Variants in GRM4 observed in about 807,000 individuals in gnomAD.
GRM4 encodes glutamate metabotropic receptor 4.
Under a neutral mutation model 81.7 loss-of-function variants are expected in GRM4, and 28 were observed. The ratio of observed to expected loss-of-function variants is 0.34; its 90% CI spans 0.25 to 0.47. The LOEUF (loss-of-function observed/expected upper bound fraction) is 0.47. GRM4 is among the 20% of genes least tolerant of loss of function. The pLI, the probability that GRM4 is intolerant of heterozygous loss-of-function variation, is 1.00. For missense variants in GRM4, 948 were observed against 1,290.0 expected, an observed-to-expected ratio of 0.73 and a Z score of 4.06; for synonymous variants, 488 against 528.8, an observed-to-expected ratio of 0.92 and a Z score of 1.06.
rs142384535 is a variant in GRM4 at position 34,057,658 on chromosome 6, G to A, written c.1028-974C>T. Among the ~76,000 whole-genome samples, 669 of 152,316 alleles carry A rather than the reference G, an allele frequency of 4.4e-3. 4 individuals are homozygous for A. The highest frequency in any genetic ancestry group is 6.0e-3 in the Admixed American group (92 of 15,308). On this transcript the variant is annotated intron_variant, in intron 5 of 10. Transcript: ENST00000538487. ...AAATATCCCCTTGGGGGGCAAAATC[G>A]CCCCCAGATAAGGACCATTGTTCTA...
chr6:34,124,584 C>A (rs1236244691), intron 2 of GRM4, among the ~76,000 whole-genome samples: 3 of 152,202 alleles, frequency 2.0e-5, no homozygotes, highest in Admixed American at 2.0e-4. Flanking sequence ...ATGCACCTGT[C>A]ATCACTCGGG....
chr6:34,079,291 C>T (rs1767468009), intron 3 of GRM4, among the ~76,000 whole-genome samples: 1 of 152,148 alleles, frequency 6.6e-6, no homozygotes, highest in South Asian at 2.1e-4. Flanking sequence ...CCTCCCACCA[C>T]CCTGAGATAG....
chr6:34,143,874 A>G (rs1316453623), intron 1 of GRM4, among the ~76,000 whole-genome samples: 1 of 152,210 alleles, frequency 6.6e-6, no homozygotes, highest in Non-Finnish European at 1.5e-5. Context: ...AGAACGGACA[A>G]GGCGAGGGAC....
intron 3 of GRM4, among the ~76,000 whole-genome samples, chr6:34,079,150 A>G (rs908193701): frequency 2.0e-5 from 3 of 152,220 alleles, no homozygotes; most frequent in Non-Finnish European, 4.4e-5. Context: ...ATCCATGGAC[A>G]CAAGGCAAGT....
At chr6:34,125,087 C>T (rs1258791195) in intron 2 of GRM4, among the ~76,000 whole-genome samples, 2 of 152,310 alleles carry the variant, frequency 1.3e-5, no homozygotes, top group African/African-American at 2.4e-5. Flanking sequence ...CATTCTCCTG[C>T]CTCAGCCTCC....
At position 34,036,166 on chromosome 6, in the gene GRM4, G is replaced by A; in HGVS notation, c.1944C>T (p.Asp648=). The change falls in exon 9 of 11, where the codon GAC becomes GAT. Residue 648 remains aspartate (D), a synonymous_variant. Transcript: ENST00000538487. This position sits in a 1 kb window ranked among gnomAD's most constrained non-coding sequence, Gnocchi z 9.0. ...TTCGGCGCAGCGAGCAGGTGCCAAG[G>A]TCGGGCTCAGCGATCATGAGGAAGG... ...ATTFLMIAEP[D]LGTCSLRRIF... 1.2e-6 allele frequency: 2 copies of A among 1,614,216 alleles called. No homozygotes were observed. Among genetic ancestry groups the A allele is most frequent in the Non-Finnish European group, 8.5e-7 (1 of 1,180,022 alleles).
rs1408194337 is a variant in GRM4, at chr6:34,064,802, G to A, written c.737-2774C>T. ...CCACTGAGCACCCCCTGCATGCCTG[G>A]CACCATGCGAGGCCCAGTCTCAATG... On this transcript the variant is annotated intron_variant, in intron 3 of 10. Coordinates refer to ENST00000538487, the MANE Select transcript of GRM4 (RefSeq NM_000841.4). The surrounding 1 kb of genome is among the most constrained non-coding windows in gnomAD (Gnocchi z 4.4). Among the ~76,000 whole-genome samples the A allele has an allele frequency of 1.3e-5, 2 of 152,132 alleles. No homozygotes were observed. Among genetic ancestry groups the A allele is most frequent in the Non-Finnish European group, 2.9e-5 (2 of 68,008 alleles).
chr6:34,066,976 C>T (rs1170753459), intron 3 of GRM4, among the ~76,000 whole-genome samples: 2 of 152,128 alleles, frequency 1.3e-5, no homozygotes, highest in Non-Finnish European at 2.9e-5. Context: ...GGGAAGCTGC[C>T]TGCCTTCCTC....
rs79349278 is a variant in GRM4 at position 34,074,271 on chromosome 6, C to A, written c.737-12243G>T. 2.0e-5 allele frequency among the ~76,000 whole-genome samples: 3 copies of A among 152,200 alleles called. No homozygotes were observed. The East Asian group carries it at 5.8e-4, about 29-fold the overall frequency. On this transcript the variant is annotated intron_variant, in intron 3 of 10. Transcript: ENST00000538487. This position sits in a 1 kb window ranked among gnomAD's most constrained non-coding sequence, Gnocchi z 4.9. The stretch of plus-strand genomic sequence containing the variant: ...GCCACGTTGCCCACTCTCCAACCCT[C>A]CATTTCCCCATCTGTGAAATGGGAT...
At chr6:34,024,610 C>T (rs546603362) in intron 10 of GRM4, 4 of 454,086 alleles carry the variant, frequency 8.8e-6, no homozygotes, top group African/African-American at 6.0e-5. Flanking sequence ...CAGAGGGGTC[C>T]ACCATGGGAC....
chr6:34,112,963 C>T (rs79797056), intron 2 of GRM4, among the ~76,000 whole-genome samples: 2,987 of 152,326 alleles, frequency 0.02, 40 homozygotes, highest in Middle Eastern at 0.065. Flanking sequence ...GGTTGCTAAA[C>T]AACTGCTCTC....
chr6:34,144,081 A>C (rs1770815545), intron 1 of GRM4, among the ~76,000 whole-genome samples: 1 of 152,174 alleles, frequency 6.6e-6, no homozygotes, highest in South Asian at 2.1e-4. Context: ...AGAAAGAAGC[A>C]AGGCGCCTCC....
intron 2 of GRM4, among the ~76,000 whole-genome samples, chr6:34,095,631 G>C (rs1454580213): frequency 6.6e-6 from 1 of 152,138 alleles, no homozygotes; most frequent in Non-Finnish European, 1.5e-5. Flanking sequence ...CATTCCTCCC[G>C]CTAAACCTCC....
intron 2 of GRM4, among the ~76,000 whole-genome samples, chr6:34,104,270 G>A (rs558875286): frequency 1.1e-4 from 17 of 152,342 alleles, no homozygotes; most frequent in African/African-American, 4.1e-4. Flanking sequence ...GGGCTTCCCC[G>A]GGGCTGGGGA....
intron 6 of GRM4, among the ~76,000 whole-genome samples, chr6:34,050,276 C>T (rs574667898): frequency 2.2e-4 from 33 of 152,302 alleles, no homozygotes; most frequent in African/African-American, 7.7e-4. Context: ...CAGGATCACC[C>T]TGAAATCGTT....
chr6:34,081,866 C>T (rs929100491), intron 3 of GRM4, among the ~76,000 whole-genome samples: 1 of 152,320 alleles, frequency 6.6e-6, no homozygotes. Context: ...CCAGGAACCC[C>T]ACCCCAGCCA....
chr6:34,139,954 C>G (rs1189962157), intron 1 of GRM4, among the ~76,000 whole-genome samples: 1 of 152,176 alleles, frequency 6.6e-6, no homozygotes, highest in African/African-American at 2.4e-5. Flanking sequence ...GAAACAGGCA[C>G]AGACGCCTGC....
rs756196744 is a variant in GRM4 at position 34,035,647 on chromosome 6, C to A, written c.2442+21G>T. On this transcript the variant is annotated intron_variant, in intron 9 of 10. Coordinates refer to ENST00000538487, the MANE Select transcript of GRM4 (RefSeq NM_000841.4). This position sits in a 1 kb window ranked among gnomAD's most constrained non-coding sequence, Gnocchi z 6.6. ...ACTGCCCTCACCTACCCACCGTCCACCCCCGGCCCCCACCACTCACCTTGT... is the reference window on the plus strand; with the variant it reads ...ACTGCCCTCACCTACCCACCGTCCAACCCCGGCCCCCACCACTCACCTTGT... 5.6e-6 allele frequency: 8 copies of A among 1,428,148 alleles called. No homozygotes were observed. The highest frequency in any genetic ancestry group is 2.3e-5 in the East Asian group (1 of 42,724). The allele number at this position is 1,428,148 out of a possible 1,614,324, so 88.5% of individuals were successfully genotyped here. A position where few individuals can be genotyped will look rare whatever the true frequency, so the allele number is the denominator to read the frequency against.
At position 34,133,319 on chromosome 6, in the gene GRM4, G is replaced by C; in HGVS notation, c.178C>G (p.Arg60Gly). Residue 60 changes from arginine to glycine, a missense_variant, in exon 2 of 11, where the codon CGG (arginine) becomes GGG (glycine). Arg to Gly is a moderately radical substitution (Grantham distance 125, BLOSUM62 -2). Coordinates refer to ENST00000538487, the MANE Select transcript of GRM4 (RefSeq NM_000841.4). The surrounding 1 kb of genome is among the most constrained non-coding windows in gnomAD (Gnocchi z 6.5). Reference sequence around the variant, plus strand: ...CCACAGGGCTTGCCCTCTGAGCCCCGGCCATGCACCGGGAACAGGCCTCCC... The same window carrying C: ...CCACAGGGCTTGCCCTCTGAGCCCCCGCCATGCACCGGGAACAGGCCTCCC... ...TLGGLFPVHG[R>G]GSEGKPCGEL... The C allele has an allele frequency of 6.2e-7, 1 of 1,614,052 alleles. No homozygotes were observed. Among genetic ancestry groups the C allele is most frequent in the Non-Finnish European group, 8.5e-7 (1 of 1,179,978 alleles).
Sources: gnomAD v4.1 joint callset for allele counts (sites outside exome capture counted in the v4.1 genomes callset) on GRCh38, gnomAD v4.1.1 for gene constraint, Gnocchi (gnomAD v3.1) non-coding constraint, MANE v1.5 for transcripts, NCBI Gene and HGNC (gene_info 2026-07-23, HGNC 2026-07-21) for gene names.